RFX8: variants seen among roughly 807,000 people sequenced by gnomAD.
RFX8 encodes the protein regulatory factor X8, also known as DNA-binding protein RFX8.
In RFX8, 46 loss-of-function variants were observed where a neutral mutation model predicts 54.6. That is an observed-to-expected ratio of 0.84 (90% confidence interval 0.67 to 1.08). The LOEUF (loss-of-function observed/expected upper bound fraction) is 1.08, where lower values mean the gene tolerates loss of function less well. RFX8 is among the 50% of genes least tolerant of loss of function. The pLI is 0.00. For missense variants in RFX8, 536 were observed against 562.3 expected, an observed-to-expected ratio of 0.95 and a Z score of 0.47; for synonymous variants, 192 against 209.5, an observed-to-expected ratio of 0.92 and a Z score of 0.72.
intron 2 of RFX8, among the ~76,000 whole-genome samples, chr2:101,440,254 G>A (rs1053110383): frequency 1.3e-5 from 2 of 152,108 alleles, no homozygotes; most frequent in African/African-American, 4.8e-5. Flanking sequence ...GACTGCTCTC[G>A]TAGAAAGCTC....
intron 7 of RFX8, 123 bp downstream of exon 7, chr2:101,414,731 C>T (rs2104559614): frequency 2.8e-6 from 2 of 704,616 alleles, no homozygotes; most frequent in East Asian, 5.6e-5. Context: ...GGCAAGGCCA[C>T]CCTGCCTGCC....
intron 1 of RFX8, among the ~76,000 whole-genome samples, chr2:101,469,078 AAG>A (rs1491498903): frequency 0.33 from 1,845 of 5,636 alleles, 38 homozygotes; most frequent in Non-Finnish European, 0.42. Context: ...ATATATATAT[AAG>A]TGTATATATA....
intron 2 of RFX8, among the ~76,000 whole-genome samples, chr2:101,449,137 A>G (rs1688548827): frequency 6.6e-6 from 1 of 151,792 alleles, no homozygotes; most frequent in Non-Finnish European, 1.5e-5. Context: ...ATGTTCAGGG[A>G]AAAGTGAGTG....
rs150279632 is a variant in RFX8 at position 101,414,930 on chromosome 2, C to T, written c.503-18G>A. On this transcript the variant is annotated intron_variant, in intron 6 of 11. Coordinates refer to ENST00000428343, the MANE Select transcript of RFX8 (RefSeq NM_001145664.2). ...AGTAACTTCTGTTAAGAACAACACA[C>T]GTGGCCATTAATACAATAACTTCAA... 3.1e-5 allele frequency: 47 copies of T among 1,536,812 alleles called. No individual in the cohort carries two copies. The highest frequency in any genetic ancestry group is 2.4e-4 in the Admixed American group (12 of 50,952).
At chr2:101,464,149 G>A (rs1689438698) in intron 2 of RFX8, among the ~76,000 whole-genome samples, 2 of 152,186 alleles carry the variant, frequency 1.3e-5, no homozygotes, top group African/African-American at 4.8e-5. Flanking sequence ...GCATGAGTGA[G>A]TGTGCATGTC....
chr2:101,464,648 T>C (rs1689477879), intron 2 of RFX8, among the ~76,000 whole-genome samples: 1 of 152,132 alleles, frequency 6.6e-6, no homozygotes, highest in South Asian at 2.1e-4. Context: ...TCAGGCAAAT[T>C]TCCAATGAGA....
chr2:101,422,455 C>T lies in RFX8; in HGVS notation c.90G>A (p.Pro30=), dbSNP rs370818848. The T allele has an allele frequency of 9.1e-5, 140 of 1,545,214 alleles. No individual in the cohort carries two copies. The highest frequency in any genetic ancestry group is 1.8e-4 in the Admixed American group (9 of 50,960). Residue 30 remains proline (P), a synonymous_variant, in exon 3 of 12, where the codon CCG becomes CCA. Coordinates refer to ENST00000428343, the MANE Select transcript of RFX8 (RefSeq NM_001145664.2). ...ATFGKCEDHS[P]MKTDPVGSPL... is the part of the protein sequence containing the mutation. The stretch of plus-strand genomic sequence containing the variant: ...GGGATCCAACTGGGTCTGTCTTCAT[C>T]GGTGAATGATCTTCACACTAAAAAT...
intron 11 of RFX8, among the ~76,000 whole-genome samples, chr2:101,401,955 G>A (rs1349650625): frequency 2.0e-5 from 3 of 152,178 alleles, no homozygotes; most frequent in African/African-American, 4.8e-5. Context: ...GCATGGCTTC[G>A]AGATAACATA....
rs1015937189 is a variant in RFX8, at chr2:101,412,958, G to A, written c.675C>T (p.Asp225=). 11 of 1,551,676 alleles carry A rather than the reference G, an allele frequency of 7.1e-6. No homozygotes were observed. In the East Asian group the frequency reaches 2.4e-4, roughly 34 times the overall value. The part of the protein sequence containing the change: ...LATSKKALAS[D]RSGADELENN... ...TCTCCAGTTCATCTGCGCCACTCCG[G>A]TCACTTGCCAGGGCTTTCTTAGAAG... is the stretch of plus-strand genomic sequence containing the variant. Residue 225 remains aspartate, a synonymous_variant, in exon 8 of 12, where the codon GAC becomes GAT. Transcript: ENST00000428343.
chr2:101,408,422 C>T (rs893957296), intron 9 of RFX8, among the ~76,000 whole-genome samples: 1 of 151,446 alleles, frequency 6.6e-6, no homozygotes, highest in Admixed American at 6.6e-5. Flanking sequence ...GGGGCGGAGC[C>T]TGCAGTGAGC....
chr2:101,408,912 A>G (rs1558840248), intron 9 of RFX8, among the ~76,000 whole-genome samples: 1 of 152,208 alleles, frequency 6.6e-6, no homozygotes, highest in African/African-American at 2.4e-5. Context: ...AGGTGGCACA[A>G]GGGAGTGGCC....
intron 8 of RFX8, among the ~76,000 whole-genome samples, chr2:101,412,197 C>A (rs573824324): frequency 1.6e-4 from 25 of 152,232 alleles, no homozygotes; most frequent in African/African-American, 5.8e-4. Context: ...ATAGGAGGGC[C>A]TAGAGATGCC....
At position 101,407,263 on chromosome 2, in the gene RFX8, A is replaced by G. The variant is rs115219016; in HGVS notation, c.814-1206T>C. Among the ~76,000 whole-genome samples the G allele has an allele frequency of 4.2e-3, 633 of 152,322 alleles. 7 individuals are homozygous for G. The highest frequency in any genetic ancestry group is 0.015 in the African/African-American group (613 of 41,578). On this transcript the variant is annotated intron_variant, in intron 9 of 11. Coordinates refer to ENST00000428343, the MANE Select transcript of RFX8 (RefSeq NM_001145664.2). ...ACACCAGAAGGTGGCCCTGAGCTTCAGGGGACGTGAGGTCCTTTCAGTAGC... is the reference window on the plus strand; with the variant it reads ...ACACCAGAAGGTGGCCCTGAGCTTCGGGGGACGTGAGGTCCTTTCAGTAGC...
Position 101,432,593 on chromosome 2 carries a change from G to A in RFX8, c.73-10121C>T, listed in dbSNP as rs531364150. Reference sequence around the variant, plus strand: ...TGGCCGTTTCAGACAGAAGCCCTGAGTGCCCACCGGGACAGCTTTGTGTCT... The same window carrying A: ...TGGCCGTTTCAGACAGAAGCCCTGAATGCCCACCGGGACAGCTTTGTGTCT... On this transcript the variant is annotated intron_variant, in intron 2 of 11. Coordinates refer to ENST00000428343, the MANE Select transcript of RFX8 (RefSeq NM_001145664.2). 2.0e-5 allele frequency among the ~76,000 whole-genome samples: 3 copies of A among 152,324 alleles called. No homozygotes were observed. In the South Asian group the frequency reaches 6.2e-4, roughly 32 times the overall value.
chr2:101,413,083 A>G lies in RFX8; in HGVS notation c.562-12T>C. 6.5e-7 allele frequency: 1 copy of G among 1,549,232 alleles called. No individual in the cohort carries two copies. Among genetic ancestry groups the G allele is most frequent in the Non-Finnish European group, 8.7e-7 (1 of 1,145,870 alleles). ...ACCATTCGCATAGTCTAAAGATAAC[A>G]GGGAGGCATAATACTTAATTCAATC... On this transcript the variant is annotated splice_polypyrimidine_tract_variant and intron_variant, in intron 7 of 11. Coordinates refer to ENST00000428343, the MANE Select transcript of RFX8 (RefSeq NM_001145664.2).
chr2:101,409,521 C>G (rs1415406681), intron 9 of RFX8, among the ~76,000 whole-genome samples: 1 of 150,556 alleles, frequency 6.6e-6, no homozygotes, highest in African/African-American at 2.4e-5. Context: ...CCACCATGCC[C>G]GGCCAGACGG....
At chr2:101,468,217 A>G (rs1408416572) in intron 1 of RFX8, among the ~76,000 whole-genome samples, 1 of 152,238 alleles carries the variant, frequency 6.6e-6, no homozygotes, top group African/African-American at 2.4e-5. Context: ...CTCAAACAAC[A>G]GAAATGTATT....
At chr2:101,474,538 C>A (rs190888249) in intron 1 of RFX8, 98 bp downstream of exon 1, 13 of 312,156 alleles carry the variant, frequency 4.2e-5, no homozygotes, top group Admixed American at 1.5e-4. Flanking sequence ...CTGCATCCTG[C>A]GGTGTGGGCT....
rs541417537 is a variant in RFX8 at position 101,402,443 on chromosome 2, C to A, written c.1238G>T (p.Gly413Val). The change falls in exon 11 of 12, where the codon GGC (glycine) becomes GTC (valine). Residue 413 changes from glycine to valine, a missense_variant. Coordinates refer to ENST00000428343, the MANE Select transcript of RFX8 (RefSeq NM_001145664.2). ...GGGTCCTGGTGTCCCTACCTTATTG[C>A]CCATGGCAGTGTCCACCAGGAAGCC... ...ILGFLVDTAM[G>V]NKLIQVLLED... The A allele has an allele frequency of 6.5e-7, 1 of 1,547,282 alleles. No individual in the cohort carries two copies. The highest frequency in any genetic ancestry group is 2.0e-5 in the Admixed American group (1 of 50,888).
Sources: gnomAD v4.1 joint callset for allele counts (sites outside exome capture counted in the v4.1 genomes callset) on GRCh38, gnomAD v4.1.1 for gene constraint, MANE v1.5 for transcripts, NCBI Gene and HGNC (gene_info 2026-07-23, HGNC 2026-07-21) for gene names.